Variants in PAPOLA observed in about 807,000 individuals in gnomAD.
The protein encoded by PAPOLA is poly(A) polymerase alpha.
PAPOLA carries 15 observed loss-of-function variants against 100.6 expected under a neutral mutation model. That is an observed-to-expected ratio of 0.15 (90% CI 0.10 to 0.23). The LOEUF (loss-of-function observed/expected upper bound fraction) is 0.23, where lower values mean the gene tolerates loss of function less well. PAPOLA is among the 10% of genes least tolerant of loss of function. The pLI is 1.00. For synonymous variants in PAPOLA, 293 were observed against 300.0 expected (o/e 0.98, Z 0.24); for missense variants, 533 against 884.2 (o/e 0.60, Z 5.04).
intron 6 of PAPOLA, among the ~76,000 whole-genome samples, chr14:96,530,491 A>T (rs1004192910): frequency 6.7e-6 from 1 of 149,888 alleles, no homozygotes; most frequent in African/African-American, 2.5e-5. Flanking sequence ...GGCTCAAGGG[A>T]TCCTCCTACC....
intron 16 of PAPOLA, among the ~76,000 whole-genome samples, chr14:96,551,600 A>G (rs1303104417): frequency 6.6e-6 from 1 of 152,232 alleles, no homozygotes; most frequent in Non-Finnish European, 1.5e-5. Context: ...TGTCAACAGT[A>G]TAAATTATTT....
At chr14:96,504,939 T>C (rs1041762801) in intron 1 of PAPOLA, among the ~76,000 whole-genome samples, 3 of 152,202 alleles carry the variant, frequency 2.0e-5, no homozygotes, top group Non-Finnish European at 4.4e-5. Context: ...CATTGGGGCA[T>C]GGACCCTAGG....
chr14:96,552,766 C>A, intron 17 of PAPOLA, 144 bp downstream of exon 17: 1 of 715,554 alleles, frequency 1.4e-6, no homozygotes, highest in Non-Finnish European at 2.2e-6. Flanking sequence ...ATTTAATTCC[C>A]AGGTTTGGGG....
rs146485027 is a variant in PAPOLA, at chr14:96,555,786, A to AT, written c.1665-51dup. ...TCTATATATGTTATAGATTATTGTAATTTTTTTTTTATTTTTCTATTTTTA... is the reference window on the plus strand; with the variant it reads ...TCTATATATGTTATAGATTATTGTAATTTTTTTTTTTATTTTTCTATTTTTA... On this transcript the variant is annotated intron_variant, in intron 17 of 21. Coordinates refer to ENST00000216277, the MANE Select transcript of PAPOLA (RefSeq NM_032632.5). 2,286 of 794,370 alleles carry AT rather than the reference A, an allele frequency of 2.9e-3. 1 individual carries two copies. Among genetic ancestry groups the AT allele is most frequent in the Non-Finnish European group, 3.2e-3 (1,609 of 506,698 alleles). The allele number at this position is 794,370 out of a possible 1,614,324, so 49.2% of individuals were successfully genotyped here.
intron 4 of PAPOLA, 80 bp from the exon 5 acceptor site, chr14:96,527,350 C>T (rs904200461): frequency 3.6e-6 from 3 of 832,146 alleles, no homozygotes; most frequent in South Asian, 1.5e-5. Context: ...AGATTCTCAA[C>T]ATCAAATACT....
chr14:96,562,692 G>A (rs1489137219), intron 20 of PAPOLA, 127 bp from the exon 21 acceptor site: 1 of 601,256 alleles, frequency 1.7e-6, no homozygotes, highest in African/African-American at 1.9e-5. Flanking sequence ...TTGTAATGTA[G>A]TCACATCTTT....
chr14:96,502,818 G>C, intron 1 of PAPOLA: 1 of 471,330 alleles, frequency 2.1e-6, no homozygotes, highest in Non-Finnish European at 3.6e-6. Context: ...TTCCTGGCTG[G>C]GTCAGCTGCC....
intron 6 of PAPOLA, among the ~76,000 whole-genome samples, chr14:96,529,525 G>A (rs1228688076): frequency 6.6e-6 from 1 of 150,582 alleles, no homozygotes; most frequent in Non-Finnish European, 1.5e-5. Context: ...GATCAAGACC[G>A]TCCTGGCCAA....
chr14:96,534,362 TA>T, intron 9 of PAPOLA, 128 bp from the exon 10 acceptor site: 1 of 1,480,876 alleles, frequency 6.8e-7, no homozygotes, highest in Non-Finnish European at 8.9e-7. Context: ...CAGAAAGGAT[TA>T]AAACGTTGTA....
At chr14:96,518,382 C>T (rs1897644790) in intron 1 of PAPOLA, among the ~76,000 whole-genome samples, 1 of 151,744 alleles carries the variant, frequency 6.6e-6, no homozygotes, top group South Asian at 2.1e-4. Flanking sequence ...ACTTGCATAG[C>T]ATTCTTAGAT....
At chr14:96,555,565 A>G (rs1216525722) in intron 17 of PAPOLA, among the ~76,000 whole-genome samples, 1 of 152,142 alleles carries the variant, frequency 6.6e-6, no homozygotes, top group Non-Finnish European at 1.5e-5. Flanking sequence ...CAGAGTAGCT[A>G]TGTTTTAATA....
At chr14:96,538,721 G>A (rs1899737231) in intron 12 of PAPOLA, among the ~76,000 whole-genome samples, 1 of 151,926 alleles carries the variant, frequency 6.6e-6, no homozygotes, top group African/African-American at 2.4e-5. Context: ...GCCTCTTTAA[G>A]ATAAAGTGAT....
intron 9 of PAPOLA, chr14:96,533,456 A>G: frequency 1.0e-6 from 1 of 984,028 alleles, no homozygotes; most frequent in Non-Finnish European, 1.2e-6. Context: ...ATTTAGAACC[A>G]TGCCACACTT....
chr14:96,545,566 G>A (rs528192946), intron 15 of PAPOLA, among the ~76,000 whole-genome samples: 7 of 151,990 alleles, frequency 4.6e-5, no homozygotes, highest in African/African-American at 7.2e-5. Context: ...GTTTTTTCTC[G>A]TTTTTTATTT....
At position 96,552,607 on chromosome 14, in the gene PAPOLA, C is replaced by T; in HGVS notation, c.1649C>T (p.Ser550Phe). ...ACGAAGACCAGTCCATTGAACAGTTCTGGCAGCTCTCAGGGGTAAGGAAAA... is the reference window on the plus strand; with the variant it reads ...ACGAAGACCAGTCCATTGAACAGTTTTGGCAGCTCTCAGGGGTAAGGAAAA... ...SATKTSPLNSSGSSQGRNSPA... is the reference protein window; with the variant it reads ...SATKTSPLNSFGSSQGRNSPA... The change falls in exon 17 of 22, where the codon TCT becomes TTT. Residue 550 changes from serine to phenylalanine, a missense_variant. This residue lies in a region of PAPOLA where 242 missense variants were observed against 281.0 expected (regional missense o/e 0.86). Transcript: ENST00000216277. 6.2e-7 allele frequency: 1 copy of T among 1,613,690 alleles called. No homozygotes were observed. Among genetic ancestry groups the T allele is most frequent in the Non-Finnish European group, 8.5e-7 (1 of 1,179,822 alleles).
chr14:96,540,412 C>CT (rs201139354), intron 12 of PAPOLA, among the ~76,000 whole-genome samples: 41 of 143,508 alleles, frequency 2.9e-4, no homozygotes, highest in South Asian at 1.5e-3. Context: ...ATGTTCTTTA[C>CT]CTTTTTTTTT....
intron 1 of PAPOLA, among the ~76,000 whole-genome samples, chr14:96,508,217 C>T (rs1285638043): frequency 6.6e-6 from 1 of 152,144 alleles, no homozygotes; most frequent in Non-Finnish European, 1.5e-5. Context: ...GAACACTGCA[C>T]CTCAGCCCAC....
At chr14:96,504,564 G>A (rs1365595824) in intron 1 of PAPOLA, 1 of 152,396 alleles carries the variant, frequency 6.6e-6, no homozygotes, top group African/African-American at 2.4e-5. Flanking sequence ...AGCTGGGCGT[G>A]GTGGCTCATG....
chr14:96,521,915 C>A (rs1898001008), intron 3 of PAPOLA, among the ~76,000 whole-genome samples: 1 of 152,100 alleles, frequency 6.6e-6, no homozygotes, highest in South Asian at 2.1e-4. Context: ...GATTCTCATG[C>A]CTCAGCCTCC....
Sources: allele counts gnomAD v4.1 joint callset (sites outside exome capture counted in the v4.1 genomes callset), GRCh38; gene constraint gnomAD v4.1.1; regional missense constraint gnomAD v4.1.1; transcripts MANE v1.5; gene names NCBI Gene and HGNC (gene_info 2026-07-23, HGNC 2026-07-21).